Variants in CD96 observed in about 807,000 individuals in gnomAD.
The protein encoded by CD96 is T-cell surface protein tactile.
Under a neutral mutation model 71.3 loss-of-function variants are expected in CD96, and 70 were observed. That is an observed-to-expected ratio of 0.98 (90% confidence interval 0.81 to 1.20). CD96 has a LOEUF of 1.20. CD96 is among the 50% of genes most tolerant of loss of function. The pLI is 0.00. For missense variants in CD96, 742 were observed against 677.5 expected (o/e 1.10, Z -1.06); for synonymous variants, 248 against 233.0 (o/e 1.06, Z -0.59).
intron 3 of CD96, among the ~76,000 whole-genome samples, chr3:111,568,273 A>G (rs1351153174): frequency 6.6e-6 from 1 of 152,244 alleles, no homozygotes; most frequent in East Asian, 1.9e-4. Context: ...GATTTTTATG[A>G]AAAATTTTCC....
At chr3:111,545,502 A>G (rs1157535533) in intron 2 of CD96, 100 bp downstream of exon 2, 2 of 810,696 alleles carry the variant, frequency 2.5e-6, no homozygotes, top group African/African-American at 1.7e-5. Flanking sequence ...TGCTCAGCAT[A>G]CAAAGGTTGA....
intron 10 of CD96, among the ~76,000 whole-genome samples, chr3:111,636,128 A>G (rs1048510740): frequency 1.3e-5 from 2 of 152,222 alleles, no homozygotes; most frequent in African/African-American, 4.8e-5. Context: ...GACTGAAAAA[A>G]AGCTGTGTAT....
chr3:111,595,730 A>G (rs1031524534), intron 5 of CD96, among the ~76,000 whole-genome samples: 4 of 150,860 alleles, frequency 2.7e-5, no homozygotes, highest in Non-Finnish European at 5.9e-5. Context: ...TACATTATAT[A>G]TAATATGCAT....
intron 10 of CD96, among the ~76,000 whole-genome samples, chr3:111,628,627 A>AT (rs1461925362): frequency 1.3e-5 from 2 of 152,246 alleles, no homozygotes; most frequent in Non-Finnish European, 2.9e-5. Context: ...CAACCTAGCA[A>AT]TACAAGCCAA....
At chr3:111,637,403 T>C in intron 11 of CD96, 142 bp downstream of exon 11, 1 of 694,176 alleles carries the variant, frequency 1.4e-6, no homozygotes, top group Admixed American at 2.1e-5. Flanking sequence ...TTACAATGAA[T>C]GGAAACAAAA....
intron 14 of CD96, among the ~76,000 whole-genome samples, chr3:111,658,924 C>T (rs776188590): frequency 2.0e-5 from 3 of 152,134 alleles, no homozygotes; most frequent in Non-Finnish European, 4.4e-5. Flanking sequence ...GGGAAAAGCC[C>T]CTCCTCCTCA....
At chr3:111,649,484 C>A (rs1939981028) in intron 13 of CD96, among the ~76,000 whole-genome samples, 1 of 152,154 alleles carries the variant, frequency 6.6e-6, no homozygotes, top group Admixed American at 6.5e-5. Context: ...GATAAAAATT[C>A]TTTGCAAACT....
intron 8 of CD96, among the ~76,000 whole-genome samples, chr3:111,623,482 C>G (rs1248181019): frequency 6.6e-6 from 1 of 152,090 alleles, no homozygotes; most frequent in African/African-American, 2.4e-5. Context: ...GTCTGGCATA[C>G]AGTAGACACT....
chr3:111,549,171 TC>T (rs1479992563), intron 2 of CD96, among the ~76,000 whole-genome samples: 1 of 143,608 alleles, frequency 7.0e-6, no homozygotes, highest in Non-Finnish European at 1.5e-5. Context: ...TCTCTTCCCC[TC>T]CCCTCCCCTC....
intron 8 of CD96, among the ~76,000 whole-genome samples, chr3:111,621,561 A>C (rs1938520190): frequency 6.6e-6 from 1 of 152,240 alleles, no homozygotes; most frequent in Non-Finnish European, 1.5e-5. Flanking sequence ...GAGGTAACTG[A>C]AGGAATTGCT....
chr3:111,655,839 C>T (rs770995838), downstream of CD96, among the ~76,000 whole-genome samples: 15 of 151,590 alleles, frequency 9.9e-5, no homozygotes, highest in South Asian at 6.2e-4. Context: ...CTATCTACAG[C>T]TGTATTTGTA....
chr3:111,616,187 GT>G (rs1938226759), intron 8 of CD96, among the ~76,000 whole-genome samples: 1 of 152,108 alleles, frequency 6.6e-6, no homozygotes, highest in South Asian at 2.1e-4. Context: ...GATGAGGGCA[GT>G]GTTTTTTATC....
chr3:111,567,762 G>A lies in CD96; in HGVS notation c.543+115G>A, dbSNP rs576288492. 1.1e-3 allele frequency: 1,088 copies of A among 954,954 alleles called. 1 individual carries two copies. The highest frequency in any genetic ancestry group is 1.5e-3 in the Non-Finnish European group (902 of 599,590). 59.2% of individuals were successfully genotyped at this position (954,954 alleles called of 1,614,324 possible). ...CATACAAATAACAGGCAGGCATTATGCCAGTGGTGGGAAGAGGGGTAGGGA... is the reference window on the plus strand; with the variant it reads ...CATACAAATAACAGGCAGGCATTATACCAGTGGTGGGAAGAGGGGTAGGGA... On this transcript the variant is annotated intron_variant, in intron 3 of 13. Transcript: ENST00000352690.
At chr3:111,622,414 G>A (rs1279195921) in intron 8 of CD96, among the ~76,000 whole-genome samples, 1 of 152,164 alleles carries the variant, frequency 6.6e-6, no homozygotes, top group Non-Finnish European at 1.5e-5. Context: ...TATTTTATAT[G>A]TATGACTCTT....
intron 14 of CD96, among the ~76,000 whole-genome samples, chr3:111,663,799 A>C (rs1576446380): frequency 6.8e-6 from 1 of 147,488 alleles, no homozygotes; most frequent in East Asian, 2.0e-4. Context: ...CCCAGGCTGG[A>C]GTGCAGTAGT....
chr3:111,590,005 G>A (rs1156787197), intron 5 of CD96, among the ~76,000 whole-genome samples: 1 of 152,170 alleles, frequency 6.6e-6, no homozygotes, highest in Non-Finnish European at 1.5e-5. Context: ...ATGGCACATA[G>A]TATACATTTC....
intron 2 of CD96, among the ~76,000 whole-genome samples, chr3:111,551,353 CT>C (rs1169720816): frequency 6.6e-6 from 1 of 152,042 alleles, no homozygotes; most frequent in Non-Finnish European, 1.5e-5. Context: ...CTGAAAGCAC[CT>C]AGGTTATGTC....
Position 111,613,311 on chromosome 3 carries a change from C to T in CD96, c.1180+6519C>T, listed in dbSNP as rs75374259. 2.4e-3 allele frequency among the ~76,000 whole-genome samples: 361 copies of T among 152,268 alleles called. 3 individuals are homozygous for T. Among genetic ancestry groups the T allele is most frequent in the African/African-American group, 8.2e-3 (340 of 41,538 alleles). On this transcript the variant is annotated intron_variant, in intron 8 of 13. Coordinates refer to ENST00000352690, the MANE Select transcript of CD96 (RefSeq NM_005816.5). ...TCTGTCCTGCTTACTGTCATCTTCC[C>T]CAAGGGAGTCCTGAAACCCTTTCTG...
At chr3:111,654,942 T>C (rs1274354582), downstream of CD96, among the ~76,000 whole-genome samples, 1 of 152,250 alleles carries the variant, frequency 6.6e-6, no homozygotes, top group East Asian at 1.9e-4. Flanking sequence ...GGACCTCATA[T>C]CCTGAGAGCC....
Sources: allele counts gnomAD v4.1 joint callset (sites outside exome capture counted in the v4.1 genomes callset), GRCh38; gene constraint gnomAD v4.1.1; transcripts MANE v1.5; gene names NCBI Gene and HGNC (gene_info 2026-07-23, HGNC 2026-07-21).